Variants in ATP1A4 observed in about 807,000 individuals in gnomAD.
The protein encoded by ATP1A4 is ATPase Na+/K+ transporting subunit alpha 4.
Under a neutral mutation model 114.3 loss-of-function variants are expected in ATP1A4, and 90 were observed. That is an observed-to-expected ratio of 0.79 (90% CI 0.66 to 0.94). ATP1A4 has a LOEUF of 0.94. Ranked by LOEUF, ATP1A4 falls within the 40% of genes least tolerant of loss-of-function variation. ATP1A4 has a pLI of 0.00. For missense variants in ATP1A4, 1,222 were observed against 1,313.6 expected (o/e 0.93, Z 1.08); for synonymous variants, 511 against 494.1 (o/e 1.03, Z -0.45).
intron 14 of ATP1A4, 55 bp from the exon 15 acceptor site, chr1:160,174,524 T>C (rs1195410132): frequency 1.3e-6 from 2 of 1,583,552 alleles, no homozygotes; most frequent in Non-Finnish European, 1.7e-6. Context: ...TCTTTGGGAC[T>C]AGTTCTGGAT....
chr1:160,165,980 TC>T (rs1653014366), intron 7 of ATP1A4, among the ~76,000 whole-genome samples: 1 of 151,708 alleles, frequency 6.6e-6, no homozygotes, highest in African/African-American at 2.4e-5. Flanking sequence ...AGAAATACAC[TC>T]TTTTTTGGCC....
intron 7 of ATP1A4, among the ~76,000 whole-genome samples, chr1:160,165,745 G>GA (rs982238946): frequency 2.7e-4 from 41 of 151,064 alleles, no homozygotes; most frequent in African/African-American, 6.8e-4. Flanking sequence ...TCCGTCTCGA[G>GA]AAAAAAAAAG....
rs1652778604 is a variant in ATP1A4 at position 160,159,132 on chromosome 1, G to A, written c.656G>A (p.Cys219Tyr). The A allele has an allele frequency of 6.2e-7, 1 of 1,613,758 alleles. No homozygotes were observed. The highest frequency in any genetic ancestry group is 8.5e-7 in the Non-Finnish European group (1 of 1,179,788). Residue 219 changes from cysteine to tyrosine, a missense_variant, in exon 5 of 22, where the codon TGT (cysteine) becomes TAT (tyrosine). Transcript: ENST00000368081. Reference sequence around the variant, plus strand: ...CTCCGGCTTATCTCTGCACAAGGATGTAAGGTGAGGGGATGCCGAAAGCTA... The same window carrying A: ...CTCCGGCTTATCTCTGCACAAGGATATAAGGTGAGGGGATGCCGAAAGCTA... ...ADLRLISAQG[C>Y]KVDNSSLTGE...
chr1:160,168,026 C>T (rs889817593), intron 10 of ATP1A4, among the ~76,000 whole-genome samples: 1 of 152,146 alleles, frequency 6.6e-6, no homozygotes, highest in African/African-American at 2.4e-5. Context: ...TACGTGTGTT[C>T]GTGTTCGTGA....
chr1:160,186,610 G>T lies in ATP1A4; in HGVS notation c.3062-61G>T, dbSNP rs371136215. 4.4e-6 allele frequency: 7 copies of T among 1,575,188 alleles called. No homozygotes were observed. In the African/African-American group the frequency reaches 8.1e-5, roughly 18 times the overall value. On this transcript the variant is annotated intron_variant, in intron 21 of 21. Transcript: ENST00000368081. ...CTTGTCCCTGCTTTCCCTTCTGCCTGTCTCCCCTGGATGCCTCTAATTCCT... is the reference window on the plus strand; with the variant it reads ...CTTGTCCCTGCTTTCCCTTCTGCCTTTCTCCCCTGGATGCCTCTAATTCCT...
Position 160,173,561 on chromosome 1 carries a change from C to T in ATP1A4, c.1855-20C>T, listed in dbSNP as rs746867119. On this transcript the variant is annotated intron_variant, in intron 12 of 21. Transcript: ENST00000368081. Reference sequence around the variant, plus strand: ...CTCTGAAGATGATTCTGCTCCTCTTCCCTCTCCTTCCCAACCCAGGTGATC... The same window carrying T: ...CTCTGAAGATGATTCTGCTCCTCTTTCCTCTCCTTCCCAACCCAGGTGATC... 6.2e-6 allele frequency: 10 copies of T among 1,610,628 alleles called. No homozygotes were observed. The African/African-American group carries it at 1.2e-4, about 19-fold the overall frequency.
Position 160,152,167 on chromosome 1 carries a change from C to A in ATP1A4, c.127C>A (p.Leu43Met). 1 of 1,613,824 alleles carries A rather than the reference C, an allele frequency of 6.2e-7. No individual in the cohort carries two copies. The highest frequency in any genetic ancestry group is 8.5e-7 in the Non-Finnish European group (1 of 1,179,962). Residue 43 changes from leucine to methionine, a missense_variant, in exon 1 of 22, where the codon CTG becomes ATG. Physicochemically the swap from Leu to Met is conservative, Grantham distance 15. Coordinates refer to ENST00000368081, the MANE Select transcript of ATP1A4 (RefSeq NM_144699.4). ...REKQKRNMEE[L>M]KKEVVMDDHK... ...AAAACAGAAGCGCAATATGGAGGAA[C>A]TGAAGAAGGAAGTGGTCATGGTGAG...
chr1:160,181,997 G>A lies in ATP1A4; in HGVS notation c.2935G>A (p.Gly979Ser). 1.2e-6 allele frequency: 2 copies of A among 1,614,126 alleles called. No homozygotes were observed. Among genetic ancestry groups the A allele is most frequent in the Non-Finnish European group, 1.7e-6 (2 of 1,180,010 alleles). ...LLAAFLSYTP[G>S]MDVALRMYPL... is the part of the protein sequence containing the mutation. The stretch of plus-strand genomic sequence containing the variant: ...GGCTGCATTTCTGTCCTACACTCCA[G>A]GCATGGACGTGGCCCTGCGAATGTA... The change falls in exon 20 of 22, where the codon GGC becomes AGC. Residue 979 changes from glycine to serine, a missense_variant. By Grantham distance (56) the Gly-to-Ser change is moderately conservative (BLOSUM62 0). Coordinates refer to ENST00000368081, the MANE Select transcript of ATP1A4 (RefSeq NM_144699.4).
chr1:160,160,436 C>G (rs1272016873), intron 6 of ATP1A4, among the ~76,000 whole-genome samples: 1 of 152,082 alleles, frequency 6.6e-6, no homozygotes, highest in Non-Finnish European at 1.5e-5. Context: ...AGGCTGGTCT[C>G]GAACTACTGA....
Position 160,176,240 on chromosome 1 carries a change from T to G in ATP1A4, c.2460T>G (p.Thr820=). ...TITILCIDLG[T]DMVPAISLAY... Reference sequence around the variant, plus strand: ...CCATCCTCTGCATTGATCTCGGCACTGACATGGTAAGGGCCAAGCTGGTGA... The same window carrying G: ...CCATCCTCTGCATTGATCTCGGCACGGACATGGTAAGGGCCAAGCTGGTGA... The change falls in exon 16 of 22, where the codon ACT becomes ACG. Residue 820 remains threonine (T), a synonymous_variant. Coordinates refer to ENST00000368081, the MANE Select transcript of ATP1A4 (RefSeq NM_144699.4). 2 of 1,614,164 alleles carry G rather than the reference T, an allele frequency of 1.2e-6. No individual in the cohort carries two copies. The highest frequency in any genetic ancestry group is 1.7e-6 in the Non-Finnish European group (2 of 1,180,026).
chr1:160,158,104 T>A (rs888796214), intron 4 of ATP1A4, among the ~76,000 whole-genome samples: 1 of 152,084 alleles, frequency 6.6e-6, no homozygotes, highest in South Asian at 2.1e-4. Flanking sequence ...GTCGGTTAGC[T>A]TTTGCTACCT....
At position 160,155,182 on chromosome 1, in the gene ATP1A4, G is replaced by C; in HGVS notation, c.345G>C (p.Gly115=). Residue 115 remains glycine, a synonymous_variant, in exon 3 of 22, where the codon GGG becomes GGC. Transcript: ENST00000368081. ...GCTTCTCCCTCCTACTATGGACTGGGGCCATTCTCTGCTTTGTGGCCTACA... is the reference window on the plus strand; with the variant it reads ...GCTTCTCCCTCCTACTATGGACTGGCGCCATTCTCTGCTTTGTGGCCTACA... ...FGGFSLLLWT[G]AILCFVAYSI... The C allele has an allele frequency of 6.2e-7, 1 of 1,613,666 alleles. No individual in the cohort carries two copies.
intron 2 of ATP1A4, among the ~76,000 whole-genome samples, chr1:160,153,755 A>G (rs1445450221): frequency 1.3e-5 from 2 of 152,218 alleles, no homozygotes; most frequent in Admixed American, 6.5e-5. Flanking sequence ...TGGATTCTCA[A>G]ATATTTTCTG....
chr1:160,172,443 A>C (rs1653298668), intron 12 of ATP1A4, among the ~76,000 whole-genome samples: 1 of 152,186 alleles, frequency 6.6e-6, no homozygotes, highest in South Asian at 2.1e-4. Context: ...GAAACCAAAA[A>C]TCGGTCAGAG....
intron 20 of ATP1A4, among the ~76,000 whole-genome samples, chr1:160,184,354 T>C (rs1449983897): frequency 6.6e-6 from 1 of 152,068 alleles, no homozygotes; most frequent in East Asian, 1.9e-4. Flanking sequence ...AAGACCAGCC[T>C]GTACAACAAA....
chr1:160,185,567 C>A (rs1557810514), intron 20 of ATP1A4, among the ~76,000 whole-genome samples: 1 of 152,052 alleles, frequency 6.6e-6, no homozygotes, highest in Non-Finnish European at 1.5e-5. Flanking sequence ...GGGTGGACTG[C>A]CTGAGCTCAA....
At chr1:160,153,341 C>T (rs1652525620) in intron 2 of ATP1A4, 117 bp downstream of exon 2, 1 of 863,600 alleles carries the variant, frequency 1.2e-6, no homozygotes, top group East Asian at 2.6e-5. Flanking sequence ...GTTCCCACCC[C>T]TCACCCTCTG....
intron 6 of ATP1A4, among the ~76,000 whole-genome samples, chr1:160,162,292 T>G (rs1194308467): frequency 1.3e-5 from 2 of 152,326 alleles, no homozygotes; most frequent in South Asian, 2.1e-4. Flanking sequence ...GAAGAATTAC[T>G]TTAAGAAAAG....
chr1:160,164,018 TA>T, intron 6 of ATP1A4, 137 bp from the exon 7 acceptor site: 1 of 1,141,970 alleles, frequency 8.8e-7, no homozygotes, highest in Non-Finnish European at 1.2e-6. Flanking sequence ...GACCAAATAT[TA>T]GAACAAAAGA....
Sources: gnomAD v4.1 joint callset for allele counts (sites outside exome capture counted in the v4.1 genomes callset) on GRCh38, gnomAD v4.1.1 for gene constraint, MANE v1.5 for transcripts, NCBI Gene and HGNC (gene_info 2026-07-23, HGNC 2026-07-21) for gene names.